The following EXT1 variants were observed in gnomAD, a reference collection of about 807,000 sequenced individuals.
EXT1 encodes exostosin-1.
Under a neutral mutation model 82.5 loss-of-function variants are expected in EXT1, and 20 were observed. That is an observed-to-expected ratio of 0.24 (90% CI 0.17 to 0.35). The LOEUF is 0.35. Among genes scored for constraint, EXT1 ranks in the 10% least tolerant of loss-of-function variants. The probability of loss-of-function intolerance (pLI) is 1.00; values close to 1 mark genes in which losing one functional copy is unlikely to be tolerated. For synonymous variants in EXT1, 348 were observed against 350.8 expected (o/e 0.99, Z 0.09); for missense variants, 757 against 936.5 (o/e 0.81, Z 2.50).
At chr8:117,984,134 ACTG>A (rs1815263460) in intron 1 of EXT1, among the ~76,000 whole-genome samples, 2 of 152,218 alleles carry the variant, frequency 1.3e-5, no homozygotes, top group African/African-American at 4.8e-5. Context: ...AGATGTGGCA[ACTG>A]GCCGAGCACA....
chr8:117,979,535 G>GA (rs550280173), intron 1 of EXT1, among the ~76,000 whole-genome samples: 7,487 of 142,658 alleles, frequency 0.052, 380 homozygotes, highest in African/African-American at 0.14. Flanking sequence ...CATCAAAAAT[G>GA]AAAAAAAAAA....
At chr8:118,053,209 C>T (rs1816745586) in intron 1 of EXT1, among the ~76,000 whole-genome samples, 1 of 152,114 alleles carries the variant, frequency 6.6e-6, no homozygotes, top group South Asian at 2.1e-4. Flanking sequence ...TCAAGTGTCA[C>T]TGAAAAGTCC....
intron 1 of EXT1, among the ~76,000 whole-genome samples, chr8:118,088,703 T>C (rs1471475619): frequency 2.6e-5 from 4 of 151,484 alleles, no homozygotes; most frequent in African/African-American, 9.7e-5. Context: ...TTTTTTCCTC[T>C]GCTTTTGTTT....
chr8:117,962,511 T>C (rs181754257), intron 1 of EXT1, among the ~76,000 whole-genome samples: 6 of 151,966 alleles, frequency 3.9e-5, no homozygotes, highest in Admixed American at 3.3e-4. Flanking sequence ...CCAGCACTTT[T>C]GGAGGCCAAA....
intron 1 of EXT1, among the ~76,000 whole-genome samples, chr8:118,065,407 G>A (rs889267019): frequency 2.0e-5 from 3 of 152,276 alleles, no homozygotes; most frequent in African/African-American, 7.2e-5. Flanking sequence ...GATCAGGTGA[G>A]GAACTAAACT....
At chr8:117,825,670 A>T (rs951257887) in intron 4 of EXT1, among the ~76,000 whole-genome samples, 3 of 152,214 alleles carry the variant, frequency 2.0e-5, no homozygotes, top group African/African-American at 4.8e-5. Context: ...GTAGCCCTTC[A>T]TCTTTTAACC....
chr8:117,927,016 A>AG (rs1813965056), intron 1 of EXT1, among the ~76,000 whole-genome samples: 2 of 152,356 alleles, frequency 1.3e-5, no homozygotes, highest in South Asian at 4.1e-4. Flanking sequence ...TGACTCCTTC[A>AG]GTGTGTCGTC....
In EXT1 at chr8:118,071,524, A is replaced by G. The variant is rs188246294; in HGVS notation, c.962+38561T>C. On this transcript the variant is annotated intron_variant, in intron 1 of 10. Transcript: ENST00000378204. ...TGACGATTACCATCGCAAAAGTAGT[A>G]GGGGGGCAGGGGTGGGGGAGGAGTA... 3.9e-3 allele frequency among the ~76,000 whole-genome samples: 361 copies of G among 93,356 alleles called. 2 individuals carry two copies. Among genetic ancestry groups the G allele is most frequent in the Non-Finnish European group, 2.2e-3 (106 of 47,196 alleles). 61.2% of individuals were successfully genotyped at this position (93,356 alleles called of 152,430 possible).
chr8:117,949,270 AG>A (rs1350236171), intron 1 of EXT1, among the ~76,000 whole-genome samples: 1 of 152,182 alleles, frequency 6.6e-6, no homozygotes, highest in Admixed American at 6.5e-5. Flanking sequence ...AATAAAAGGC[AG>A]TTGAAACCAG....
intron 1 of EXT1, among the ~76,000 whole-genome samples, chr8:117,840,950 C>T (rs2129801761): frequency 6.6e-6 from 1 of 152,276 alleles, no homozygotes; most frequent in African/African-American, 2.4e-5. Context: ...GATTAGAACC[C>T]TTCATACATT....
chr8:117,898,434 G>A (rs1230839284), intron 1 of EXT1, among the ~76,000 whole-genome samples: 2 of 152,218 alleles, frequency 1.3e-5, no homozygotes, highest in African/African-American at 4.8e-5. Context: ...CTAGGGACTT[G>A]AAAGCATGAA....
At chr8:118,010,731 C>A (rs1224049796) in intron 1 of EXT1, among the ~76,000 whole-genome samples, 1 of 152,196 alleles carries the variant, frequency 6.6e-6, no homozygotes, top group Non-Finnish European at 1.5e-5. Context: ...GGCACGGCCG[C>A]AAGAGTGTGA....
chr8:118,052,612 A>T (rs1418055553), intron 1 of EXT1, among the ~76,000 whole-genome samples: 6 of 152,212 alleles, frequency 3.9e-5, no homozygotes, highest in Non-Finnish European at 8.8e-5. Flanking sequence ...GTAAAAAAAC[A>T]AACAAATGAA....
intron 1 of EXT1, among the ~76,000 whole-genome samples, chr8:117,875,999 A>C (rs1463193399): frequency 6.6e-6 from 1 of 152,206 alleles, no homozygotes; most frequent in Non-Finnish European, 1.5e-5. Context: ...TAAAGAACAC[A>C]AATGAATTCA....
chr8:117,942,699 G>A (rs1374467698), intron 1 of EXT1, among the ~76,000 whole-genome samples: 1 of 151,954 alleles, frequency 6.6e-6, no homozygotes, highest in East Asian at 1.9e-4. Context: ...CAACAAGAGC[G>A]AAATTCGGTC....
chr8:118,100,209 G>C (rs531592323), intron 1 of EXT1, among the ~76,000 whole-genome samples: 64 of 152,286 alleles, frequency 4.2e-4, no homozygotes, highest in African/African-American at 1.5e-3. Context: ...TGAAGGCATA[G>C]AGCAGGAACA....
At chr8:117,855,384 A>G (rs978722944) in intron 1 of EXT1, among the ~76,000 whole-genome samples, 4 of 152,146 alleles carry the variant, frequency 2.6e-5, no homozygotes, top group Admixed American at 2.6e-4. Context: ...TTCTCATAAT[A>G]TTTCAAAACT....
At chr8:117,853,002 C>T (rs532476959) in intron 1 of EXT1, among the ~76,000 whole-genome samples, 153 of 152,144 alleles carry the variant, frequency 1.0e-3, no homozygotes, top group Non-Finnish European at 1.7e-3. Flanking sequence ...GGGGTGGGGA[C>T]GAAGCTGAAA....
chr8:117,856,422 AT>A (rs951647677), intron 1 of EXT1, among the ~76,000 whole-genome samples: 14,632 of 83,732 alleles, frequency 0.17, 1,149 homozygotes, highest in Non-Finnish European at 0.23. Context: ...GCCTGGCTAA[AT>A]TTTTTTTTTT....
Sources: allele counts gnomAD v4.1 joint callset (sites outside exome capture counted in the v4.1 genomes callset), GRCh38; gene constraint gnomAD v4.1.1; transcripts MANE v1.5; gene names NCBI Gene and HGNC (gene_info 2026-07-23, HGNC 2026-07-21).